The following SORCS2 variants were observed in gnomAD, a reference collection of about 807,000 sequenced individuals.
The protein encoded by SORCS2 is sortilin related VPS10 domain containing receptor 2, also known as VPS10 domain-containing receptor SorCS2.
Under a neutral mutation model 141.6 loss-of-function variants are expected in SORCS2, and 100 were observed. The observed-to-expected ratio is 0.71, with a 90% confidence interval of 0.60 to 0.83. SORCS2 has a LOEUF of 0.83. SORCS2 is among the 40% of genes least tolerant of loss of function. The probability of loss-of-function intolerance (pLI) is 0.00; values close to 1 mark genes in which losing one functional copy is unlikely to be tolerated. For synonymous variants in SORCS2, 789 were observed against 676.9 expected, an observed-to-expected ratio of 1.17 and a Z score of -2.57; for missense variants, 1,646 against 1,560.2, an observed-to-expected ratio of 1.05 and a Z score of -0.93.
At chr4:7,460,506 C>A (rs1729231129) in intron 2 of SORCS2, among the ~76,000 whole-genome samples, 1 of 152,256 alleles carries the variant, frequency 6.6e-6, no homozygotes, top group African/African-American at 2.4e-5. Context: ...CCAAGCCCAC[C>A]TTGCGCCATT....
intron 1 of SORCS2, among the ~76,000 whole-genome samples, chr4:7,356,857 C>T (rs1299283279): frequency 6.6e-6 from 1 of 152,220 alleles, no homozygotes. Context: ...CTGGAGAGGG[C>T]TCCGGGCCTG....
At chr4:7,474,976 G>C (rs1451074662) in intron 2 of SORCS2, among the ~76,000 whole-genome samples, 7 of 152,104 alleles carry the variant, frequency 4.6e-5, no homozygotes, top group African/African-American at 1.7e-4. Context: ...GACTGTCCCT[G>C]CTGTGTGTGT....
At chr4:7,704,806 C>T (rs1441297709) in intron 14 of SORCS2, among the ~76,000 whole-genome samples, 2 of 152,188 alleles carry the variant, frequency 1.3e-5, no homozygotes, top group African/African-American at 4.8e-5. Context: ...GCTGCGGCCG[C>T]AATGGGAGAC....
intron 8 of SORCS2, among the ~76,000 whole-genome samples, chr4:7,675,680 C>T (rs539418583): frequency 6.6e-6 from 1 of 152,168 alleles, no homozygotes; most frequent in Admixed American, 6.5e-5. Flanking sequence ...GCCCTCACCC[C>T]CTGGAATCAA....
intron 1 of SORCS2, among the ~76,000 whole-genome samples, chr4:7,328,974 C>G (rs1337081781): frequency 1.3e-5 from 2 of 152,230 alleles, no homozygotes; most frequent in Non-Finnish European, 2.9e-5. Flanking sequence ...CTGACAACGG[C>G]TGGTCAGGTG....
intron 1 of SORCS2, among the ~76,000 whole-genome samples, chr4:7,289,869 T>A (rs1362134221): frequency 2.0e-5 from 3 of 152,114 alleles, no homozygotes; most frequent in Non-Finnish European, 2.9e-5. Context: ...CCTTTGCTCA[T>A]GCTTTCAAAG....
chr4:7,528,933 C>T lies in SORCS2; in HGVS notation c.549-2597C>T, dbSNP rs146468772. ...CCAGGTCCTTGGTACCCTTGGCCTG[C>T]GGCCACATCACCTCACTTTGCCTCT... is the stretch of plus-strand genomic sequence containing the variant. On this transcript the variant is annotated intron_variant, in intron 2 of 26. Coordinates refer to ENST00000507866, the MANE Select transcript of SORCS2 (RefSeq NM_020777.3). 2.4e-4 allele frequency among the ~76,000 whole-genome samples: 36 copies of T among 152,336 alleles called. No individual in the cohort carries two copies. The East Asian group carries it at 4.4e-3, about 19-fold the overall frequency.
At chr4:7,370,456 G>T (rs751233484) in intron 1 of SORCS2, among the ~76,000 whole-genome samples, 1 of 152,236 alleles carries the variant, frequency 6.6e-6, no homozygotes, top group Non-Finnish European at 1.5e-5. Flanking sequence ...CATCATTATA[G>T]TTCTTCATAA....
intron 2 of SORCS2, among the ~76,000 whole-genome samples, chr4:7,518,480 G>A (rs1733123475): frequency 6.6e-6 from 1 of 152,174 alleles, no homozygotes; most frequent in Non-Finnish European, 1.5e-5. Flanking sequence ...TGTGTCTCGT[G>A]GGGACTGCAG....
intron 1 of SORCS2, among the ~76,000 whole-genome samples, chr4:7,257,709 A>T (rs1281612860): frequency 6.6e-6 from 1 of 152,166 alleles, no homozygotes; most frequent in Non-Finnish European, 1.5e-5. Context: ...GAAAGGTGCC[A>T]TGTGCTCTAC....
chr4:7,382,441 A>G lies in SORCS2; in HGVS notation c.481-13847A>G, dbSNP rs529440606. ...GCAGAGAACAGGCCCCTCCTGAGACAGCCCCAGGGCTGCACCAGATCCCCG... is the reference window on the plus strand; with the variant it reads ...GCAGAGAACAGGCCCCTCCTGAGACGGCCCCAGGGCTGCACCAGATCCCCG... On this transcript the variant is annotated intron_variant, in intron 1 of 26. Coordinates refer to ENST00000507866, the MANE Select transcript of SORCS2 (RefSeq NM_020777.3). Among the ~76,000 whole-genome samples the G allele has an allele frequency of 1.1e-3, 172 of 152,186 alleles. 1 individual carries two copies. Among genetic ancestry groups the G allele is most frequent in the African/African-American group, 4.0e-3 (166 of 41,522 alleles).
chr4:7,200,800 A>G (rs1234100799), intron 1 of SORCS2, among the ~76,000 whole-genome samples: 1 of 152,182 alleles, frequency 6.6e-6, no homozygotes, highest in Non-Finnish European at 1.5e-5. Context: ...GTGTCAGGCC[A>G]GTGCTGGGGC....
Position 7,280,986 on chromosome 4 carries a change from G to T in SORCS2, c.480+87860G>T, listed in dbSNP as rs535931302. 1.1e-4 allele frequency among the ~76,000 whole-genome samples: 16 copies of T among 152,288 alleles called. No homozygotes were observed. The South Asian group carries it at 3.3e-3, about 32-fold the overall frequency. ...AGCCCTTTCTCCCACTGCCCAAAGA[G>T]CCCAGTGTGAGGACTTAATTAGTTG... On this transcript the variant is annotated intron_variant, in intron 1 of 26. Transcript: ENST00000507866.
chr4:7,729,756 C>T, intron 23 of SORCS2, 44 bp downstream of exon 23: 1 of 1,585,178 alleles, frequency 6.3e-7, no homozygotes, highest in Non-Finnish European at 8.6e-7. Flanking sequence ...CCCTGCACAT[C>T]CCAGGGCTCG....
chr4:7,640,558 G>T (rs1156404075), intron 4 of SORCS2, among the ~76,000 whole-genome samples: 2 of 151,502 alleles, frequency 1.3e-5, no homozygotes, highest in African/African-American at 2.4e-5. Flanking sequence ...CTCCCTCTGC[G>T]CCTGCTTTCT....
At chr4:7,661,239 G>C (rs6838781) in intron 5 of SORCS2, among the ~76,000 whole-genome samples, 1 of 124,376 alleles carries the variant, frequency 8.0e-6, no homozygotes, top group Non-Finnish European at 1.7e-5. Context: ...ACGTAAGGAA[G>C]ATGCAGAGAC....
intron 2 of SORCS2, chr4:7,430,151 C>T (rs563386337): frequency 3.3e-5 from 5 of 152,210 alleles, no homozygotes; most frequent in Admixed American, 1.3e-4. Context: ...CTGTCCCTGA[C>T]GTGCCCCTCC....
chr4:7,658,744 C>T (rs891878410), intron 5 of SORCS2, among the ~76,000 whole-genome samples: 1 of 152,172 alleles, frequency 6.6e-6, no homozygotes, highest in African/African-American at 2.4e-5. Flanking sequence ...TAGACCTGGT[C>T]CCTGGAGAAG....
chr4:7,316,163 A>G (rs935649959), intron 1 of SORCS2, among the ~76,000 whole-genome samples: 1 of 149,048 alleles, frequency 6.7e-6, no homozygotes, highest in African/African-American at 2.5e-5. Flanking sequence ...CCATCCATCT[A>G]TCCCTCCTAT....
Sources: gnomAD v4.1 joint callset for allele counts (sites outside exome capture counted in the v4.1 genomes callset) on GRCh38, gnomAD v4.1.1 for gene constraint, MANE v1.5 for transcripts, NCBI Gene and HGNC (gene_info 2026-07-23, HGNC 2026-07-21) for gene names.